CP: variants seen among roughly 807,000 people sequenced by gnomAD.
CP encodes the protein caeruloplasmin.
A neutral mutation model predicts 122.4 loss-of-function variants in CP; 64 were observed. The observed-to-expected ratio is 0.52, with a 90% CI of 0.43 to 0.64. The LOEUF (loss-of-function observed/expected upper bound fraction) is 0.64. Among genes scored for constraint, CP ranks in the 30% least tolerant of loss-of-function variants. CP has a pLI of 0.00. For synonymous variants in CP, 440 were observed against 436.4 expected (o/e 1.01, Z -0.10); for missense variants, 1,167 against 1,284.4 (o/e 0.91, Z 1.40).
intron 9 of CP, among the ~76,000 whole-genome samples, chr3:149,193,600 A>G (rs1349112014): frequency 1.3e-5 from 2 of 152,334 alleles, no homozygotes; most frequent in East Asian, 1.9e-4. Flanking sequence ...TCATATTAAA[A>G]TGATATTTTT....
Position 149,207,426 on chromosome 3 carries a change from A to G in CP, c.973T>C (p.Tyr325His), listed in dbSNP as rs1201433731. The change falls in exon 5 of 19, where the codon TAT (tyrosine) becomes CAT (histidine). Residue 325 changes from tyrosine (Y) to histidine (H), a missense_variant. This residue lies in a region of CP where 642 missense variants were observed against 627.3 expected (regional missense o/e 1.02). Transcript: ENST00000264613. ...TCTCCAGGGTTCTGGGCCACCATAT[A>G]AGCATCAAACAGGGTAGCAGGAAAG... ...NLFPATLFDA[Y>H]MVAQNPGEWM... The G allele has an allele frequency of 1.9e-6, 3 of 1,613,852 alleles. No individual in the cohort carries two copies. The highest frequency in any genetic ancestry group is 2.2e-5 in the South Asian group (2 of 91,088).
chr3:149,202,782 T>C (rs1727431794), intron 6 of CP, among the ~76,000 whole-genome samples: 1 of 150,646 alleles, frequency 6.6e-6, no homozygotes, highest in Non-Finnish European at 1.5e-5. Context: ...TAATTTTTTG[T>C]ATTTCTTTAG....
chr3:149,193,958 G>A (rs1434674521), intron 9 of CP, among the ~76,000 whole-genome samples: 1 of 152,122 alleles, frequency 6.6e-6, no homozygotes, highest in East Asian at 1.9e-4. Context: ...TTCTTCATTT[G>A]CAAAATGAAG....
At chr3:149,175,108 GTTAC>G (rs1725330828) in intron 18 of CP, among the ~76,000 whole-genome samples, 1 of 152,112 alleles carries the variant, frequency 6.6e-6, no homozygotes, top group South Asian at 2.1e-4. Flanking sequence ...ATGCCTCCAT[GTTAC>G]TTACTCACCA....
chr3:149,175,666 T>TGTGTGTGTGTGTGTGTGTGTGTGG, intron 18 of CP, among the ~76,000 whole-genome samples: 1 of 146,068 alleles, frequency 6.8e-6, no homozygotes, highest in Non-Finnish European at 1.5e-5. Flanking sequence ...CCATTTTAAG[T>TGTGTGTGTGTGTGTGTGTGTGTGG]GTGTGTGTGT....
In CP at chr3:149,204,161, T is replaced by C. The variant is rs116332182; in HGVS notation, c.1209-1920A>G. On this transcript the variant is annotated intron_variant, in intron 6 of 18. Coordinates refer to ENST00000264613, the MANE Select transcript of CP (RefSeq NM_000096.4). The stretch of plus-strand genomic sequence containing the variant: ...GCTTAGATAGATGGGAGATAAGCAG[T>C]AGGACCTAGTTAAGGTTTCAGCCTT... Among the ~76,000 whole-genome samples the C allele has an allele frequency of 4.4e-3, 671 of 152,232 alleles. 4 individuals carry two copies. Among genetic ancestry groups the C allele is most frequent in the Non-Finnish European group, 6.9e-3 (468 of 67,994 alleles).
intron 4 of CP, among the ~76,000 whole-genome samples, chr3:149,166,810 A>T (rs981880110): frequency 7.2e-5 from 11 of 152,236 alleles, no homozygotes; most frequent in Non-Finnish European, 1.5e-4. Context: ...TGTTATTTAA[A>T]AATGATTGCT....
At chr3:149,192,685 A>G (rs1726620397) in intron 9 of CP, among the ~76,000 whole-genome samples, 1 of 138,508 alleles carries the variant, frequency 7.2e-6, no homozygotes, top group East Asian at 1.9e-4. Flanking sequence ...ACACACACAT[A>G]TATATATTAT....
rs976817677 is a variant in CP at position 149,203,898 on chromosome 3, G to A, written c.1209-1657C>T. 3.9e-5 allele frequency among the ~76,000 whole-genome samples: 6 copies of A among 152,260 alleles called. 1 individual carries two copies. The highest frequency in any genetic ancestry group is 1.3e-4 in the Admixed American group (2 of 15,286). ...ATTATGGAGCATTTCTTTGAGGTTGGGGAAAGTGCAGTGAAGAGGCCACAA... is the reference window on the plus strand; with the variant it reads ...ATTATGGAGCATTTCTTTGAGGTTGAGGAAAGTGCAGTGAAGAGGCCACAA... On this transcript the variant is annotated intron_variant, in intron 6 of 18. Coordinates refer to ENST00000264613, the MANE Select transcript of CP (RefSeq NM_000096.4).
At chr3:149,210,448 C>T in intron 2 of CP, 69 bp from the exon 3 acceptor site, 2 of 1,281,698 alleles carry the variant, frequency 1.6e-6, no homozygotes, top group Non-Finnish European at 2.3e-6. Context: ...ATAGATAGTC[C>T]ATTAATTCAT....
chr3:149,182,029 A>T lies in CP; in HGVS notation c.2530T>A (p.Ser844Thr), dbSNP rs766093203. ...IHAHGVQTES[S>T]TVTPTLPGET... ...CCTGGTAATGTTGGAGTAACTGTAGAACTCTCTGTTTGTACCCCATGGGCA... is the reference window on the plus strand; with the variant it reads ...CCTGGTAATGTTGGAGTAACTGTAGTACTCTCTGTTTGTACCCCATGGGCA... Residue 844 changes from serine (S) to threonine (T), a missense_variant, in exon 14 of 19, where the codon TCT (serine) becomes ACT (threonine). By Grantham distance (58) the Ser-to-Thr change is moderately conservative. Transcript: ENST00000264613. 1.4e-6 allele frequency: 2 copies of T among 1,432,776 alleles called. No individual in the cohort carries two copies. Among genetic ancestry groups the T allele is most frequent in the East Asian group, 3.5e-5 (1 of 28,170 alleles). 88.8% of individuals were successfully genotyped at this position (1,432,776 alleles called of 1,614,324 possible). A position where few individuals can be genotyped will look rare whatever the true frequency, so the allele number is the denominator to read the frequency against.
At chr3:149,167,910 A>T (rs1724588018), downstream of CP, 1 of 1,603,332 alleles carries the variant, frequency 6.2e-7, no homozygotes, top group Non-Finnish European at 8.5e-7. Context: ...GGTGGAAAAA[A>T]CTGTTGCCTG....
At chr3:149,163,062 A>G (rs770058731) in intron 5 of CP, among the ~76,000 whole-genome samples, 2 of 152,162 alleles carry the variant, frequency 1.3e-5, no homozygotes, top group Non-Finnish European at 2.9e-5. Flanking sequence ...ATTTTAAATA[A>G]TTTTGTACTC....
At chr3:149,169,031 G>A (rs1249147186), downstream of CP, among the ~76,000 whole-genome samples, 1 of 149,884 alleles carries the variant, frequency 6.7e-6, no homozygotes, top group African/African-American at 2.5e-5. Flanking sequence ...ATATATTTGT[G>A]TGCATACGTG....
At chr3:149,212,299 C>A (rs751518891) in intron 2 of CP, 152 bp downstream of exon 2, 77 of 766,232 alleles carry the variant, frequency 1.0e-4, no homozygotes, top group Middle Eastern at 4.2e-4. Flanking sequence ...TGACAGAAGT[C>A]AAAAAAAATT....
chr3:149,212,031 C>T (rs1031227701), intron 2 of CP, among the ~76,000 whole-genome samples: 7 of 152,214 alleles, frequency 4.6e-5, no homozygotes, highest in Admixed American at 1.3e-4. Flanking sequence ...CAGTGACTCA[C>T]GCCTGTAATC....
At chr3:149,202,738 G>C (rs1254599579) in intron 6 of CP, among the ~76,000 whole-genome samples, 1 of 150,364 alleles carries the variant, frequency 6.7e-6, no homozygotes, top group African/African-American at 2.4e-5. Context: ...CTCCCGAGTA[G>C]CTGGGACTAC....
intron 7 of CP, 83 bp downstream of exon 7, chr3:149,202,019 G>T: frequency 6.5e-7 from 1 of 1,547,778 alleles, no homozygotes; most frequent in Non-Finnish European, 8.9e-7. Context: ...TCATGCAGTA[G>T]GTCCTGAAGT....
Position 149,198,358 on chromosome 3 carries a change from T to G in CP, c.1713+9A>C. The G allele has an allele frequency of 6.2e-7, 1 of 1,611,986 alleles. No homozygotes were observed. The highest frequency in any genetic ancestry group is 8.5e-7 in the Non-Finnish European group (1 of 1,177,998). ...ATTGAACAATTTTTTTTTCCCCAGT[T>G]GGACTTACCTGTCTCCCATTTGCAT... On this transcript the variant is annotated intron_variant, in intron 9 of 18. Coordinates refer to ENST00000264613, the MANE Select transcript of CP (RefSeq NM_000096.4).
Sources: allele counts gnomAD v4.1 joint callset (sites outside exome capture counted in the v4.1 genomes callset), GRCh38; gene constraint gnomAD v4.1.1; regional missense constraint gnomAD v4.1.1; transcripts MANE v1.5; gene names NCBI Gene and HGNC (gene_info 2026-07-23, HGNC 2026-07-21).